The following TMPRSS11E variants were observed in gnomAD, a reference collection of about 807,000 sequenced individuals.
The protein encoded by TMPRSS11E is transmembrane serine protease 11E.
Under a neutral mutation model 48.1 loss-of-function variants are expected in TMPRSS11E, and 38 were observed. The observed-to-expected ratio is 0.79, with a 90% CI of 0.61 to 1.04. The LOEUF is 1.04. Among genes scored for constraint, TMPRSS11E ranks in the 50% least tolerant of loss-of-function variants. The pLI is 0.00. For missense variants in TMPRSS11E, 530 were observed against 510.8 expected (o/e 1.04, Z -0.36); for synonymous variants, 158 against 171.9 (o/e 0.92, Z 0.63).
intron 5 of TMPRSS11E, 27 bp downstream of exon 5, chr4:68,471,650 T>A: frequency 6.5e-7 from 1 of 1,532,506 alleles, no homozygotes; most frequent in Non-Finnish European, 8.8e-7. Context: ...TATTTTTCTT[T>A]CATAGAACAG....
Position 68,471,604 on chromosome 4 carries a change from T to C in TMPRSS11E, c.471T>C (p.Pro157=). ...QDAVGPPKVD[P]HSVKIKKINK... ...CTGTAGGACCCCCTAAAGTAGATCC[T>C]CACTCAGTTAAAATTAAAAGTAAGT... Residue 157 remains proline, a synonymous_variant, in exon 5 of 10, where the codon CCT becomes CCC. Transcript: ENST00000305363. The C allele has an allele frequency of 6.3e-7, 1 of 1,591,458 alleles. No individual in the cohort carries two copies. Among genetic ancestry groups the C allele is most frequent in the Non-Finnish European group, 8.5e-7 (1 of 1,172,596 alleles).
chr4:68,457,079 T>A (rs941504708), intron 1 of TMPRSS11E, among the ~76,000 whole-genome samples: 2 of 152,086 alleles, frequency 1.3e-5, no homozygotes, highest in East Asian at 1.9e-4. Context: ...CTAAAGAGCC[T>A]CTGCACAACA....
intron 8 of TMPRSS11E, 89 bp from the exon 9 acceptor site, chr4:68,478,760 C>T (rs530943030): frequency 6.9e-7 from 1 of 1,449,060 alleles, no homozygotes; most frequent in South Asian, 1.2e-5. Flanking sequence ...TGGCCTGTAT[C>T]ACCATCTTAT....
intron 1 of TMPRSS11E, among the ~76,000 whole-genome samples, chr4:68,452,010 A>G (rs1728511417): frequency 1.3e-5 from 2 of 151,942 alleles, no homozygotes; most frequent in South Asian, 4.1e-4. Context: ...AAACATTGTT[A>G]TGGATGATCT....
At chr4:68,450,199 G>T (rs992865003) in intron 1 of TMPRSS11E, among the ~76,000 whole-genome samples, 1 of 151,870 alleles carries the variant, frequency 6.6e-6, no homozygotes, top group African/African-American at 2.4e-5. Context: ...AATCAGCCCT[G>T]ATCCATATAA....
At chr4:68,469,036 T>C (rs1311610761) in intron 4 of TMPRSS11E, 90 bp downstream of exon 4, 2 of 1,045,598 alleles carry the variant, frequency 1.9e-6, no homozygotes, top group Non-Finnish European at 2.9e-6. Flanking sequence ...GTTAAAGATA[T>C]AATTCAATCC....
chr4:68,466,868 G>A, intron 3 of TMPRSS11E, 116 bp downstream of exon 3: 1 of 1,328,948 alleles, frequency 7.5e-7, no homozygotes, highest in Non-Finnish European at 1.1e-6. Context: ...TTTGCAAAAT[G>A]AAAAGAGGCC....
chr4:68,448,667 T>C (rs1304973600), intron 1 of TMPRSS11E, among the ~76,000 whole-genome samples: 5 of 151,922 alleles, frequency 3.3e-5, no homozygotes, highest in African/African-American at 1.2e-4. Flanking sequence ...TTTCTGAGTG[T>C]AGTCTCTAAT....
chr4:68,457,924 G>T (rs1728678805), intron 1 of TMPRSS11E, among the ~76,000 whole-genome samples: 1 of 151,964 alleles, frequency 6.6e-6, no homozygotes, highest in African/African-American at 2.4e-5. Context: ...ATACACTGGG[G>T]CCTATCAGTG....
intron 1 of TMPRSS11E, among the ~76,000 whole-genome samples, chr4:68,459,845 G>T (rs981425195): frequency 6.6e-6 from 1 of 152,128 alleles, no homozygotes; most frequent in Non-Finnish European, 1.5e-5. Context: ...TTTTGCTTAC[G>T]TGTGTTATAC....
chr4:68,478,887 C>G lies in TMPRSS11E; in HGVS notation c.1006C>G (p.Leu336Val). ...TCATCTTCGACAAGCACAGGTGACT[C>G]TCATAGACGCTACAACTTGCAATGA... ...QNHLRQAQVT[L>V]IDATTCNEPQ... Residue 336 changes from leucine (L) to valine (V), a missense_variant, in exon 9 of 10, where the codon CTC becomes GTC. By Grantham distance (32) the Leu-to-Val change is conservative. Transcript: ENST00000305363. The G allele has an allele frequency of 6.2e-7, 1 of 1,614,034 alleles. No homozygotes were observed. The highest frequency in any genetic ancestry group is 2.2e-5 in the East Asian group (1 of 44,872).
intron 5 of TMPRSS11E, 56 bp downstream of exon 5, chr4:68,471,679 C>T (rs916312653): frequency 2.2e-6 from 3 of 1,380,062 alleles, no homozygotes; most frequent in South Asian, 3.9e-5. Context: ...TAGGTTTGAT[C>T]TTGGCACTTA....
intron 9 of TMPRSS11E, among the ~76,000 whole-genome samples, chr4:68,492,442 T>A (rs957486156): frequency 2.6e-5 from 4 of 152,206 alleles, no homozygotes; most frequent in Non-Finnish European, 5.9e-5. Context: ...TAAACAAGTG[T>A]CTTTTCTTGG....
At chr4:68,450,616 G>A (rs552239143) in intron 1 of TMPRSS11E, among the ~76,000 whole-genome samples, 1 of 152,046 alleles carries the variant, frequency 6.6e-6, no homozygotes, top group South Asian at 2.1e-4. Context: ...ACCAGAAGAT[G>A]TAAAGACTAA....
intron 1 of TMPRSS11E, among the ~76,000 whole-genome samples, chr4:68,458,322 T>G (rs1459705514): frequency 6.6e-6 from 1 of 151,064 alleles, no homozygotes; most frequent in South Asian, 2.1e-4. Flanking sequence ...CCTAAGCATA[T>G]TGCTTGTTTT....
chr4:68,460,751 A>G (rs1728766330), intron 1 of TMPRSS11E, among the ~76,000 whole-genome samples: 1 of 152,224 alleles, frequency 6.6e-6, no homozygotes, highest in Non-Finnish European at 1.5e-5. Context: ...ACCAAATATT[A>G]TAACCCAATG....
chr4:68,474,794 C>T (rs1275529842), intron 6 of TMPRSS11E, 33 bp downstream of exon 6: 4 of 1,562,792 alleles, frequency 2.6e-6, no homozygotes, highest in Admixed American at 1.9e-5. Flanking sequence ...AATAGCATTA[C>T]CTGAAGGTAA....
At chr4:68,462,020 C>T (rs144869660) in intron 2 of TMPRSS11E, 75 bp downstream of exon 2, 12 of 1,568,506 alleles carry the variant, frequency 7.7e-6, no homozygotes, top group Non-Finnish European at 9.6e-6. Flanking sequence ...TGATTTGCCT[C>T]AGGCTTATTC....
chr4:68,493,641 AT>A (rs1729791962), intron 9 of TMPRSS11E, among the ~76,000 whole-genome samples: 1 of 151,954 alleles, frequency 6.6e-6, no homozygotes. Context: ...TAATTTTTGT[AT>A]TTTTAGTAGA....
Sources: gnomAD v4.1 joint callset for allele counts (sites outside exome capture counted in the v4.1 genomes callset) on GRCh38, gnomAD v4.1.1 for gene constraint, MANE v1.5 for transcripts, NCBI Gene and HGNC (gene_info 2026-07-23, HGNC 2026-07-21) for gene names.